Variants in HNRNPDL observed in about 807,000 individuals in gnomAD.
HNRNPDL encodes the protein heterogeneous nuclear ribonucleoprotein D-like.
A neutral mutation model predicts 48.0 loss-of-function variants in HNRNPDL; 18 were observed. The ratio of observed to expected loss-of-function variants is 0.38; its 90% confidence interval spans 0.26 to 0.56. The LOEUF is 0.56. Among genes scored for constraint, HNRNPDL ranks in the 20% least tolerant of loss-of-function variants. HNRNPDL has a pLI of 0.77. For missense variants in HNRNPDL, 553 were observed against 540.7 expected (o/e 1.02, Z -0.23); for synonymous variants, 306 against 207.3 (o/e 1.48, Z -4.09).
In HNRNPDL at chr4:82,427,275, C is replaced by A; in HGVS notation, c.936G>T (p.Glu312Asp). The A allele has an allele frequency of 1.2e-6, 2 of 1,605,806 alleles. No homozygotes were observed. Among genetic ancestry groups the A allele is most frequent in the East Asian group, 4.5e-5 (2 of 44,830 alleles). Residue 312 changes from glutamate to aspartate, a missense_variant, in exon 5 of 8, where the codon GAG (glutamate) becomes GAT (aspartate). Around this residue, in one of 4 missense-constraint regions of HNRNPDL, gnomAD observed 174 missense variants for 204.6 expected, o/e 0.85. Coordinates refer to ENST00000295470, the MANE Select transcript of HNRNPDL (RefSeq NM_031372.4). ...KCEIKVAQPK[E>D]VYRQQQQQQK... ...GTTGTTGCTGTTGCTGCCTATATACCTCTTTGGGTTGTGCAACTTTGATTT... is the reference window on the plus strand; with the variant it reads ...GTTGTTGCTGTTGCTGCCTATATACATCTTTGGGTTGTGCAACTTTGATTT...
At position 82,426,254 on chromosome 4, in the gene HNRNPDL, A is replaced by G. The variant is rs1257263639; in HGVS notation, c.1193-125T>C. On this transcript the variant is annotated intron_variant, in intron 6 of 7. Coordinates refer to ENST00000295470, the MANE Select transcript of HNRNPDL (RefSeq NM_031372.4). ...AAAGTATTAAGATATTTTAGCACCC[A>G]TTAGATGCTACTCATAAATCATACA... is the stretch of plus-strand genomic sequence containing the variant. The G allele has an allele frequency of 1.9e-5, 18 of 923,256 alleles. No individual in the cohort carries two copies. The South Asian group carries it at 2.1e-4, about 11-fold the overall frequency. 57.2% of individuals were successfully genotyped at this position (923,256 alleles called of 1,614,324 possible).
chr4:82,423,098 A>G lies in HNRNPDL; in HGVS notation c.*1808T>C, dbSNP rs1474931073. On this transcript the variant is annotated 3_prime_UTR_variant, in exon 8 of 8. Coordinates refer to ENST00000295470, the MANE Select transcript of HNRNPDL (RefSeq NM_031372.4). ...CTAGAGTTCAAAGCCCCTGCAAGAA[A>G]AACCAATTCTCACTCCCCCTTCAAT... 1 of 151,712 alleles carries G rather than the reference A, an allele frequency of 6.6e-6. No homozygotes were observed. Among genetic ancestry groups the G allele is most frequent in the East Asian group, 1.9e-4 (1 of 5,182 alleles). The allele number at this position is 151,712 out of a possible 1,614,324, so 9.4% of individuals were successfully genotyped here.
chr4:82,428,540 A>G, intron 1 of HNRNPDL, 94 bp from the exon 2 acceptor site: 1 of 969,076 alleles, frequency 1.0e-6, no homozygotes, highest in Non-Finnish European at 1.5e-6. Context: ...AGGGACATTT[A>G]CCCCCTAAGT....
chr4:82,423,608 T>G lies in HNRNPDL; in HGVS notation c.*1298A>C, dbSNP rs1721283881. 1 of 152,104 alleles carries G rather than the reference T, an allele frequency of 6.6e-6. No homozygotes were observed. The highest frequency in any genetic ancestry group is 2.1e-4 in the South Asian group (1 of 4,830). 9.4% of individuals were successfully genotyped at this position (152,104 alleles called of 1,614,324 possible). ...ACCCGTTGTGTGAGATCAACTACTC[T>G]GCCTGTGAACACGTATGCCAATCCC... On this transcript the variant is annotated 3_prime_UTR_variant, in exon 8 of 8. Coordinates refer to ENST00000295470, the MANE Select transcript of HNRNPDL (RefSeq NM_031372.4).
intron 6 of HNRNPDL, 51 bp from the exon 7 acceptor site, chr4:82,426,180 CT>C: frequency 6.9e-7 from 1 of 1,450,184 alleles, no homozygotes; most frequent in Non-Finnish European, 9.7e-7. Context: ...ACAAAACTTT[CT>C]TTACAAACAC....
At chr4:82,428,986 T>A (rs1578085695) in intron 1 of HNRNPDL, among the ~76,000 whole-genome samples, 1 of 148,814 alleles carries the variant, frequency 6.7e-6, no homozygotes, top group African/African-American at 2.5e-5. Context: ...CCCCCCCGGG[T>A]CCCACGCGGC....
intron 1 of HNRNPDL, among the ~76,000 whole-genome samples, chr4:82,429,000 T>C (rs1393379962): frequency 1.3e-5 from 2 of 150,948 alleles, no homozygotes; most frequent in African/African-American, 2.4e-5. Context: ...ACGCGGCGCC[T>C]GCGCGCTCGG....
intron 5 of HNRNPDL, among the ~76,000 whole-genome samples, chr4:82,426,957 T>C (rs1721437661): frequency 6.6e-6 from 1 of 152,236 alleles, no homozygotes; most frequent in South Asian, 2.1e-4. Context: ...ATGGTACACT[T>C]TTCCTATCAG....
chr4:82,428,346 C>G lies in HNRNPDL; in HGVS notation c.544G>C (p.Asp182His). The change falls in exon 2 of 8, where the codon GAT (aspartate) becomes CAT (histidine). Residue 182 changes from aspartate (D) to histidine (H), a missense_variant. Asp to His is a moderately conservative substitution (Grantham distance 81). This residue lies in a region of HNRNPDL where 43 missense variants were observed against 104.0 expected (regional missense o/e 0.41). Coordinates refer to ENST00000295470, the MANE Select transcript of HNRNPDL (RefSeq NM_031372.4). ...GEVVDCTIKTDPVTGRSRGFG... is the reference protein window; with the variant it reads ...GEVVDCTIKTHPVTGRSRGFG... The stretch of plus-strand genomic sequence containing the variant: ...CCTCTTGATCTCCCAGTGACTGGAT[C>G]TGTTTTAATTGTGCAGTCTACAACT... 1 of 1,614,016 alleles carries G rather than the reference C, an allele frequency of 6.2e-7. No individual in the cohort carries two copies. Among genetic ancestry groups the G allele is most frequent in the Non-Finnish European group, 8.5e-7 (1 of 1,179,892 alleles).
chr4:82,425,071 A>AAT (rs1032109562), intron 7 of HNRNPDL, 188 bp from the exon 8 acceptor site: 2 of 152,188 alleles, frequency 1.3e-5, no homozygotes, highest in Non-Finnish European at 2.9e-5. Context: ...AATGACATTA[A>AAT]ATTCAAATCT....
Position 82,426,157 on chromosome 4 carries a change from AAGAT to A in HNRNPDL, c.1193-32_1193-29del, listed in dbSNP as rs751511505. On this transcript the variant is annotated intron_variant, in intron 6 of 7. Coordinates refer to ENST00000295470, the MANE Select transcript of HNRNPDL (RefSeq NM_031372.4). Reference sequence around the variant, plus strand: ...ATTTTGAAAACACAGAATTCTCATTAAGATAGTTTTCTACAAAACTTTCTTTACA... The same window carrying A: ...ATTTTGAAAACACAGAATTCTCATTAAGTTTTCTACAAAACTTTCTTTACA... 4 of 613,644 alleles carry A rather than the reference AAGAT, an allele frequency of 6.5e-6. No individual in the cohort carries two copies. The African/African-American group carries it at 6.6e-5, about 10-fold the overall frequency. 38.0% of individuals were successfully genotyped at this position (613,644 alleles called of 1,614,324 possible).
chr4:82,424,936 T>C (rs1721357987), intron 7 of HNRNPDL, 53 bp from the exon 8 acceptor site: 1 of 152,252 alleles, frequency 6.6e-6, no homozygotes, highest in East Asian at 1.9e-4. Context: ...GACAAGCTTT[T>C]AAAGGTCCAC....
At position 82,429,389 on chromosome 4, in the gene HNRNPDL, G is replaced by A. The variant is rs368496309; in HGVS notation, c.302C>T (p.Ala101Val). 3.1e-6 allele frequency: 5 copies of A among 1,613,420 alleles called. No homozygotes were observed. The African/African-American group carries it at 6.7e-5, about 22-fold the overall frequency. ...GCGCGCAGTCCGGGTCGCGGCAGCA[G>A]CGGCGGCGGAGCGTTGTATGGAGCT... The part of the protein sequence containing the change: ...KSSSIQRSAA[A>V]AAATRTARQH... Residue 101 changes from alanine (A) to valine (V), a missense_variant, in exon 1 of 8, where the codon GCT becomes GTT. Around this residue, in one of 4 missense-constraint regions of HNRNPDL, gnomAD observed 327 missense variants for 203.2 expected, o/e 1.61. Transcript: ENST00000295470.
In HNRNPDL at chr4:82,429,854, C is replaced by T. The variant is rs546568295; in HGVS notation, c.-164G>A. 1 of 458,140 alleles carries T rather than the reference C, an allele frequency of 2.2e-6. No homozygotes were observed. The highest frequency in any genetic ancestry group is 2.0e-5 in the African/African-American group (1 of 49,390). The allele number at this position is 458,140 out of a possible 1,614,324, so 28.4% of individuals were successfully genotyped here. On this transcript the variant is annotated 5_prime_UTR_variant, in exon 1 of 8. Coordinates refer to ENST00000295470, the MANE Select transcript of HNRNPDL (RefSeq NM_031372.4). The stretch of plus-strand genomic sequence containing the variant: ...TCCCTCTTGCCTTGGGAGCCTTTGT[C>T]TCTGGCGTCCGGTCCAGCCCACTCC...
chr4:82,429,773 AG>A lies in HNRNPDL; in HGVS notation c.-84del. The A allele has an allele frequency of 9.0e-7, 1 of 1,105,836 alleles. No individual in the cohort carries two copies. The highest frequency in any genetic ancestry group is 1.2e-6 in the Non-Finnish European group (1 of 848,702). 68.5% of individuals were successfully genotyped at this position (1,105,836 alleles called of 1,614,324 possible). A position where few individuals can be genotyped will look rare whatever the true frequency, so the allele number is the denominator to read the frequency against. The stretch of plus-strand genomic sequence containing the variant: ...GAGAAGAATCAGAAGAGAAAAACGA[AG>A]GGGCGTAAATTCCTGGGGTCAGCAG... On this transcript the variant is annotated 5_prime_UTR_variant, in exon 1 of 8. Coordinates refer to ENST00000295470, the MANE Select transcript of HNRNPDL (RefSeq NM_031372.4).
rs1385440078 is a variant in HNRNPDL at position 82,423,738 on chromosome 4, T to C, written c.*1168A>G. On this transcript the variant is annotated 3_prime_UTR_variant, in exon 8 of 8. Coordinates refer to ENST00000295470, the MANE Select transcript of HNRNPDL (RefSeq NM_031372.4). ...CTCTGAAACCTGGATATAAAACGGA[T>C]TCTTTTCAATGCACCCAGAGGGTCC... 1 of 152,216 alleles carries C rather than the reference T, an allele frequency of 6.6e-6. No individual in the cohort carries two copies. Among genetic ancestry groups the C allele is most frequent in the East Asian group, 1.9e-4 (1 of 5,200 alleles). The allele number at this position is 152,216 out of a possible 1,614,324, so 9.4% of individuals were successfully genotyped here.
rs200123403 is a variant in HNRNPDL, at chr4:82,426,558, C to G, written c.1097G>C (p.Gly366Ala). ...QGYGNYNSAYGGDQNYSGYGG... is the reference protein window; with the variant it reads ...QGYGNYNSAYAGDQNYSGYGG... The stretch of plus-strand genomic sequence containing the variant: ...ATAGCCACTATAGTTTTGATCACCA[C>G]CATAGGCACTATTGTAATTTCCATA... Residue 366 changes from glycine to alanine, a missense_variant, in exon 6 of 8, where the codon GGT becomes GCT. Coordinates refer to ENST00000295470, the MANE Select transcript of HNRNPDL (RefSeq NM_031372.4). 274 of 1,613,018 alleles carry G rather than the reference C, an allele frequency of 1.7e-4. No homozygotes were observed. The East Asian group carries it at 3.4e-3, about 20-fold the overall frequency.
In HNRNPDL at chr4:82,429,414, T is replaced by A; in HGVS notation, c.277A>T (p.Ser93Cys). The change falls in exon 1 of 8, where the codon AGC becomes TGC. Residue 93 changes from serine (S) to cysteine (C), a missense_variant. Ser to Cys is a moderately radical substitution (Grantham distance 112). Around this residue, in one of 4 missense-constraint regions of HNRNPDL, gnomAD observed 327 missense variants for 203.2 expected, o/e 1.61. Coordinates refer to ENST00000295470, the MANE Select transcript of HNRNPDL (RefSeq NM_031372.4). ...PDLFRRHFKS[S>C]SIQRSAAAAA... ...GCGGCGGCGGAGCGTTGTATGGAGC[T>A]GGATTTAAAATGGCGGCGGAAGAGA... 2 of 1,612,868 alleles carry A rather than the reference T, an allele frequency of 1.2e-6. No homozygotes were observed. Among genetic ancestry groups the A allele is most frequent in the Non-Finnish European group, 1.7e-6 (2 of 1,179,642 alleles).
rs1394463340 is a variant in HNRNPDL at position 82,423,905 on chromosome 4, T to C, written c.*1001A>G. 2 of 152,206 alleles carry C rather than the reference T, an allele frequency of 1.3e-5. No homozygotes were observed. The highest frequency in any genetic ancestry group is 6.5e-5 in the Admixed American group (1 of 15,282). 9.4% of individuals were successfully genotyped at this position (152,206 alleles called of 1,614,324 possible). On this transcript the variant is annotated 3_prime_UTR_variant, in exon 8 of 8. Transcript: ENST00000295470. ...TTCATGCACTGTGTCAAAAACTAGA[T>C]TTACTATCAAGACTTTTTCTAAACT...
Sources: allele counts gnomAD v4.1 joint callset (sites outside exome capture counted in the v4.1 genomes callset), GRCh38; gene constraint gnomAD v4.1.1; regional missense constraint gnomAD v4.1.1; transcripts MANE v1.5; gene names NCBI Gene and HGNC (gene_info 2026-07-23, HGNC 2026-07-21).